Variants in SLC8A1 observed in about 807,000 individuals in gnomAD.
The protein encoded by SLC8A1 is solute carrier family 8 member A1, also known as sodium/calcium exchanger 1.
Under a neutral mutation model 68.3 loss-of-function variants are expected in SLC8A1, and 18 were observed. The observed-to-expected ratio is 0.26, with a 90% CI of 0.18 to 0.39. The LOEUF (loss-of-function observed/expected upper bound fraction) is 0.39, where lower values mean the gene tolerates loss of function less well. SLC8A1 is among the 10% of genes least tolerant of loss of function. The probability of loss-of-function intolerance (pLI) is 1.00; values close to 1 mark genes in which losing one functional copy is unlikely to be tolerated. For missense variants in SLC8A1, 985 were observed against 1,156.7 expected (o/e 0.85, Z 2.15); for synonymous variants, 475 against 415.5 (o/e 1.14, Z -1.74).
At chr2:40,397,034 G>A (rs1209344405) in intron 2 of SLC8A1, among the ~76,000 whole-genome samples, 1 of 152,174 alleles carries the variant, frequency 6.6e-6, no homozygotes, top group South Asian at 2.1e-4. Flanking sequence ...AGTTGCTGAT[G>A]AGAATATTTC....
intron 2 of SLC8A1, among the ~76,000 whole-genome samples, chr2:40,194,469 ATG>A (rs543194094): frequency 0.029 from 3,959 of 137,084 alleles, 55 homozygotes; most frequent in South Asian, 0.065. Context: ...TCAGTAAGCA[ATG>A]TGTGTGTGTG....
chr2:40,452,877 GTGC>G (rs1178847257), upstream of SLC8A1, among the ~76,000 whole-genome samples: 1 of 151,978 alleles, frequency 6.6e-6, no homozygotes, highest in Non-Finnish European at 1.5e-5. Context: ...TGTGAAAGGC[GTGC>G]TGGTTTTAAA....
intron 1 of SLC8A1, among the ~76,000 whole-genome samples, chr2:40,461,060 C>G (rs1329553407): frequency 6.6e-6 from 1 of 151,914 alleles, no homozygotes; most frequent in Non-Finnish European, 1.5e-5. Flanking sequence ...TTTCTTTGGC[C>G]CAATTCTTAG....
intron 2 of SLC8A1, among the ~76,000 whole-genome samples, chr2:40,381,474 C>T (rs1681765911): frequency 6.6e-6 from 1 of 151,966 alleles, no homozygotes; most frequent in African/African-American, 2.4e-5. Flanking sequence ...ATTCATATCT[C>T]CAGAACAGGT....
At chr2:40,122,217 C>A (rs2037031969) in intron 7 of SLC8A1, among the ~76,000 whole-genome samples, 1 of 147,144 alleles carries the variant, frequency 6.8e-6, no homozygotes, top group African/African-American at 2.6e-5. Flanking sequence ...CACACACACA[C>A]ACACACACGT....
At chr2:40,307,148 C>T (rs1211600266) in intron 2 of SLC8A1, among the ~76,000 whole-genome samples, 4 of 146,414 alleles carry the variant, frequency 2.7e-5, no homozygotes, top group African/African-American at 1.0e-4. Flanking sequence ...ATGTGATATA[C>T]ACACACACAC....
At chr2:40,239,051 G>A (rs1156648872) in intron 2 of SLC8A1, among the ~76,000 whole-genome samples, 10 of 146,636 alleles carry the variant, frequency 6.8e-5, no homozygotes, top group East Asian at 2.1e-4. Flanking sequence ...AATTGCAGCA[G>A]AAAAAAAAAA....
At chr2:40,439,403 G>T (rs1700068270) in intron 1 of SLC8A1, among the ~76,000 whole-genome samples, 1 of 152,042 alleles carries the variant, frequency 6.6e-6, no homozygotes, top group African/African-American at 2.4e-5. Context: ...GGAAAGCTGT[G>T]CTCTTCAAAT....
intron 1 of SLC8A1, among the ~76,000 whole-genome samples, chr2:40,486,533 A>G (rs1219856275): frequency 6.6e-6 from 1 of 152,188 alleles, no homozygotes; most frequent in Non-Finnish European, 1.5e-5. Context: ...TTCATACTCC[A>G]TAGTGTGTTT....
At chr2:40,186,286 C>A (rs78073513) in intron 2 of SLC8A1, among the ~76,000 whole-genome samples, 1 of 152,208 alleles carries the variant, frequency 6.6e-6, no homozygotes, top group African/African-American at 2.4e-5. Flanking sequence ...TTATTTCTTA[C>A]TACCTACAGG....
At chr2:40,440,028 T>C (rs1700187697) in intron 1 of SLC8A1, among the ~76,000 whole-genome samples, 1 of 152,072 alleles carries the variant, frequency 6.6e-6, no homozygotes, top group South Asian at 2.1e-4. Context: ...AGAAAGAAAC[T>C]AGTCAAATCT....
chr2:40,264,139 A>T (rs2065056018), intron 2 of SLC8A1, among the ~76,000 whole-genome samples: 1 of 151,976 alleles, frequency 6.6e-6, no homozygotes, highest in Non-Finnish European at 1.5e-5. Flanking sequence ...GCAAATCAAA[A>T]CCACAATGAG....
chr2:40,219,290 G>A (rs1191314538), intron 2 of SLC8A1, among the ~76,000 whole-genome samples: 1 of 152,212 alleles, frequency 6.6e-6, no homozygotes, highest in Non-Finnish European at 1.5e-5. Context: ...TTTTTACATG[G>A]AATTAAAATT....
chr2:40,253,035 G>T (rs62651715), intron 2 of SLC8A1, among the ~76,000 whole-genome samples: 1 of 39,446 alleles, frequency 2.5e-5, no homozygotes, highest in Admixed American at 2.5e-4. Context: ...ATATACATAT[G>T]TATCAGTATA....
At chr2:40,407,041 T>A (rs1690591260) in intron 2 of SLC8A1, among the ~76,000 whole-genome samples, 1 of 152,116 alleles carries the variant, frequency 6.6e-6, no homozygotes, top group Non-Finnish European at 1.5e-5. Flanking sequence ...TCTAACTGTG[T>A]GATCTTAGTA....
chr2:40,462,302 C>T (rs1703397929), intron 1 of SLC8A1, among the ~76,000 whole-genome samples: 1 of 151,658 alleles, frequency 6.6e-6, no homozygotes, highest in African/African-American at 2.4e-5. Flanking sequence ...TCATTGTGCC[C>T]AGCCATAAAA....
chr2:40,353,692 C>A (rs935289205), intron 2 of SLC8A1, among the ~76,000 whole-genome samples: 2 of 152,172 alleles, frequency 1.3e-5, no homozygotes, highest in Non-Finnish European at 2.9e-5. Flanking sequence ...CTTTATGCTG[C>A]CTACCTGCCT....
chr2:40,219,224 G>C (rs552611921), intron 2 of SLC8A1, among the ~76,000 whole-genome samples: 1 of 152,168 alleles, frequency 6.6e-6, no homozygotes, highest in Admixed American at 6.5e-5. Context: ...AGAAACCATT[G>C]AGAACAAGGA....
intron 2 of SLC8A1, among the ~76,000 whole-genome samples, chr2:40,382,663 T>C (rs977059962): frequency 1.7e-5 from 1 of 58,680 alleles, no homozygotes; most frequent in Admixed American, 1.7e-4. Context: ...TGCAACCATC[T>C]AAACTGAAAA....
Sources: allele counts gnomAD v4.1 joint callset (sites outside exome capture counted in the v4.1 genomes callset), GRCh38; gene constraint gnomAD v4.1.1; transcripts MANE v1.5; gene names NCBI Gene and HGNC (gene_info 2026-07-23, HGNC 2026-07-21).